Variants in WWP1 observed in about 807,000 individuals in gnomAD.
WWP1 encodes NEDD4-like E3 ubiquitin-protein ligase WWP1.
A neutral mutation model predicts 130.6 loss-of-function variants in WWP1; 49 were observed. That is an observed-to-expected ratio of 0.38 (90% CI 0.30 to 0.48). WWP1 has a LOEUF of 0.48. Ranked by LOEUF, WWP1 falls within the 20% of genes least tolerant of loss-of-function variation. WWP1 has a pLI of 0.99. For synonymous variants in WWP1, 332 were observed against 367.8 expected (o/e 0.90, Z 1.11); for missense variants, 809 against 1,100.6 (o/e 0.74, Z 3.75).
chr8:86,354,324 G>T (rs1350962936), intron 1 of WWP1, among the ~76,000 whole-genome samples: 1 of 152,166 alleles, frequency 6.6e-6, no homozygotes, highest in Non-Finnish European at 1.5e-5. Flanking sequence ...AAATAAAACT[G>T]CAGTAAAGTC....
At chr8:86,362,845 C>T (rs562960963) in intron 1 of WWP1, among the ~76,000 whole-genome samples, 1 of 152,254 alleles carries the variant, frequency 6.6e-6, no homozygotes, top group East Asian at 1.9e-4. Context: ...ATCTCAAAAG[C>T]ACCTCAGTGT....
At chr8:86,353,723 T>A (rs1823089908) in intron 1 of WWP1, among the ~76,000 whole-genome samples, 1 of 152,186 alleles carries the variant, frequency 6.6e-6, no homozygotes, top group Non-Finnish European at 1.5e-5. Context: ...CCTCAAGTGA[T>A]CCGCCTGCCT....
At chr8:86,351,336 C>G (rs963310789) in intron 1 of WWP1, among the ~76,000 whole-genome samples, 25 of 152,064 alleles carry the variant, frequency 1.6e-4, no homozygotes, top group Non-Finnish European at 3.5e-4. Flanking sequence ...CAAATTTCCA[C>G]CCCCAGCTTT....
At chr8:86,430,467 T>C (rs1473755882) in intron 11 of WWP1, among the ~76,000 whole-genome samples, 2 of 151,866 alleles carry the variant, frequency 1.3e-5, no homozygotes, top group Non-Finnish European at 1.5e-5. Flanking sequence ...AATTTTTTTT[T>C]ATAGAGACAG....
intron 9 of WWP1, among the ~76,000 whole-genome samples, chr8:86,424,484 G>T (rs1247602629): frequency 1.3e-5 from 2 of 151,998 alleles, no homozygotes; most frequent in Non-Finnish European, 1.5e-5. Flanking sequence ...AGCTAGCCGA[G>T]ATCACGCCAC....
intron 1 of WWP1, among the ~76,000 whole-genome samples, chr8:86,349,274 CTCCCAGAGTGCTGGGAT>C: frequency 6.6e-6 from 1 of 152,320 alleles, no homozygotes; most frequent in Non-Finnish European, 1.5e-5. Flanking sequence ...CCGCCTCGGC[CTCCCAGAGTGCTGGGAT>C]TACAGGCGTG....
At chr8:86,412,713 ATTG>A (rs1239218145) in intron 9 of WWP1, among the ~76,000 whole-genome samples, 3 of 146,756 alleles carry the variant, frequency 2.0e-5, no homozygotes, top group Admixed American at 2.0e-4. Flanking sequence ...TTTTTTTGGA[ATTG>A]TTTTTTTTTT....
chr8:86,468,237 ACTG>A lies in WWP1; in HGVS notation c.*1347_*1349del, dbSNP rs1477246856. ...AAAATCTGTTGCCTATAAATATTTC[ACTG>A]CTAAGTACATACAGAAAAACAGTAA... On this transcript the variant is annotated 3_prime_UTR_variant, in exon 25 of 25. Transcript: ENST00000517970. The A allele has an allele frequency of 1.1e-4, 33 of 292,148 alleles. No individual in the cohort carries two copies. In the East Asian group the frequency reaches 1.3e-3, roughly 11 times the overall value. The allele number at this position is 292,148 out of a possible 1,614,324, so 18.1% of individuals were successfully genotyped here.
intron 7 of WWP1, among the ~76,000 whole-genome samples, chr8:86,400,563 G>A (rs916781708): frequency 5.9e-5 from 9 of 152,112 alleles, no homozygotes; most frequent in Non-Finnish European, 1.2e-4. Context: ...AGGGAAGAAT[G>A]TTCCAGACAG....
intron 18 of WWP1, among the ~76,000 whole-genome samples, chr8:86,447,710 G>C (rs1810960731): frequency 6.6e-6 from 1 of 152,146 alleles, no homozygotes; most frequent in African/African-American, 2.4e-5. Context: ...GGGCTTCTGT[G>C]TTGGCTGTTG....
rs183945076 is a variant in WWP1, at chr8:86,419,755, A to C, written c.1062-5468A>C. Among the ~76,000 whole-genome samples the C allele has an allele frequency of 7.7e-4, 102 of 132,920 alleles. No individual in the cohort carries two copies. In the East Asian group the frequency reaches 0.018, roughly 24 times the overall value. The allele number at this position is 132,920 out of a possible 152,430, so 87.2% of individuals were successfully genotyped here. ...ACTCACTAAAAATCCAGGATGATAA[A>C]TGAAAACAGATCTATTTTAAGACAA... On this transcript the variant is annotated intron_variant, in intron 9 of 24. Coordinates refer to ENST00000517970, the MANE Select transcript of WWP1 (RefSeq NM_007013.4).
At chr8:86,353,409 C>G (rs1347388334) in intron 1 of WWP1, among the ~76,000 whole-genome samples, 1 of 151,760 alleles carries the variant, frequency 6.6e-6, no homozygotes, top group Non-Finnish European at 1.5e-5. Context: ...ATTTTGTGGT[C>G]AAAAATATGC....
At chr8:86,459,756 CG>C (rs1481689468) in intron 22 of WWP1, among the ~76,000 whole-genome samples, 53 of 152,264 alleles carry the variant, frequency 3.5e-4, no homozygotes, top group African/African-American at 1.2e-3. Flanking sequence ...TCATTACAGT[CG>C]GTGTTCCATG....
intron 24 of WWP1, 21 bp downstream of exon 24, chr8:86,461,867 T>C (rs1265371514): frequency 1.9e-6 from 3 of 1,587,476 alleles, no homozygotes; most frequent in Non-Finnish European, 2.6e-6. Context: ...GAATCCTAAA[T>C]ACGAAGGTGA....
chr8:86,371,000 G>T (rs772251921), intron 2 of WWP1, among the ~76,000 whole-genome samples: 84 of 148,650 alleles, frequency 5.7e-4, no homozygotes, highest in Non-Finnish European at 1.1e-3. Flanking sequence ...TGAGTAGCTG[G>T]GATTACAGGC....
chr8:86,392,234 C>G (rs1334935344), intron 5 of WWP1, among the ~76,000 whole-genome samples: 1 of 152,148 alleles, frequency 6.6e-6, no homozygotes, highest in Non-Finnish European at 1.5e-5. Context: ...CAAGAAGGTC[C>G]TGAGGACCCT....
At chr8:86,345,234 G>A (rs1822504087) in intron 1 of WWP1, among the ~76,000 whole-genome samples, 2 of 152,200 alleles carry the variant, frequency 1.3e-5, no homozygotes, top group African/African-American at 4.8e-5. Context: ...AGATCATGAA[G>A]CTTTACCCTC....
chr8:86,407,362 A>T (rs536501971), intron 8 of WWP1, among the ~76,000 whole-genome samples: 1 of 152,294 alleles, frequency 6.6e-6, no homozygotes, highest in South Asian at 2.1e-4. Flanking sequence ...GCACATAGGT[A>T]TCAGAGTTTC....
chr8:86,437,887 C>T lies in WWP1; in HGVS notation c.1750-698C>T, dbSNP rs553985361. 1.1e-4 allele frequency among the ~76,000 whole-genome samples: 16 copies of T among 152,284 alleles called. No homozygotes were observed. In the East Asian group the frequency reaches 3.1e-3, roughly 29 times the overall value. ...CGATCTCGGCTCACTGCAAGCTCCACCTCCCGGGTTCACACCATTCTCCTG... is the reference window on the plus strand; with the variant it reads ...CGATCTCGGCTCACTGCAAGCTCCATCTCCCGGGTTCACACCATTCTCCTG... On this transcript the variant is annotated intron_variant, in intron 16 of 24. Transcript: ENST00000517970.
Sources: gnomAD v4.1 joint callset for allele counts (sites outside exome capture counted in the v4.1 genomes callset) on GRCh38, gnomAD v4.1.1 for gene constraint, MANE v1.5 for transcripts, NCBI Gene and HGNC (gene_info 2026-07-23, HGNC 2026-07-21) for gene names.